The following PDPR variants were observed in gnomAD, a reference collection of about 807,000 sequenced individuals.
PDPR encodes the protein pyruvate dehydrogenase phosphatase regulatory subunit, mitochondrial.
Under a neutral mutation model 102.2 loss-of-function variants are expected in PDPR, and 50 were observed. The observed-to-expected ratio is 0.49, with a 90% CI of 0.39 to 0.62. The LOEUF is 0.62. Among genes scored for constraint, PDPR ranks in the 20% least tolerant of loss-of-function variants. The probability of loss-of-function intolerance (pLI) is 0.00; values close to 1 mark genes in which losing one functional copy is unlikely to be tolerated. For synonymous variants in PDPR, 259 were observed against 406.0 expected, an observed-to-expected ratio of 0.64 and a Z score of 4.35; for missense variants, 625 against 1,098.2, an observed-to-expected ratio of 0.57 and a Z score of 6.09.
At chr16:70,133,886 A>G (rs1358135496) in intron 9 of PDPR, among the ~76,000 whole-genome samples, 4 of 152,076 alleles carry the variant, frequency 2.6e-5, no homozygotes, top group Non-Finnish European at 5.9e-5. Flanking sequence ...GACATGCGCC[A>G]CCACGCCTGG....
chr16:70,130,724 T>C (rs2152079039), intron 7 of PDPR, among the ~76,000 whole-genome samples, 180 bp downstream of exon 7: 1 of 152,408 alleles, frequency 6.6e-6, no homozygotes, highest in Admixed American at 6.5e-5. Context: ...CTGTGTGACC[T>C]TGTCCTTCCT....
At chr16:70,151,569 G>C (rs1230006992) in intron 17 of PDPR, among the ~76,000 whole-genome samples, 1 of 152,290 alleles carries the variant, frequency 6.6e-6, no homozygotes, top group Non-Finnish European at 1.5e-5. Context: ...GGTTGATTCT[G>C]AAGTGCCACC....
chr16:70,157,806 C>T lies in PDPR; in HGVS notation c.*927C>T, dbSNP rs1967385050. The T allele has an allele frequency of 1.3e-5, 2 of 155,338 alleles. No individual in the cohort carries two copies. The highest frequency in any genetic ancestry group is 4.1e-4 in the South Asian group (2 of 4,938). 9.6% of individuals were successfully genotyped at this position (155,338 alleles called of 1,614,324 possible). A position where few individuals can be genotyped will look rare whatever the true frequency, so the allele number is the denominator to read the frequency against. ...CAGCCGTTCCTCCTTCCCCTTCTCCCAGTGCGTTTGACTTTGTCAGGTCAG... is the reference window on the plus strand; with the variant it reads ...CAGCCGTTCCTCCTTCCCCTTCTCCTAGTGCGTTTGACTTTGTCAGGTCAG... On this transcript the variant is annotated 3_prime_UTR_variant, in exon 19 of 19. Transcript: ENST00000288050.
intron 17 of PDPR, among the ~76,000 whole-genome samples, chr16:70,149,288 C>G (rs1966510569): frequency 6.6e-6 from 1 of 151,344 alleles, no homozygotes; most frequent in Admixed American, 6.6e-5. Flanking sequence ...TTAATTGAGG[C>G]AGAGTCTCAC....
Position 70,157,425 on chromosome 16 carries a change from A to G in PDPR, c.*546A>G. 2.8e-6 allele frequency: 1 copy of G among 357,670 alleles called. No homozygotes were observed. Among genetic ancestry groups the G allele is most frequent in the South Asian group, 2.2e-5 (1 of 46,506 alleles). 22.2% of individuals were successfully genotyped at this position (357,670 alleles called of 1,614,324 possible). ...GGCACTCGATACCTCTGGCAAGAGGATGATTATCTACCTCACTGATAAGAG... is the reference window on the plus strand; with the variant it reads ...GGCACTCGATACCTCTGGCAAGAGGGTGATTATCTACCTCACTGATAAGAG... On this transcript the variant is annotated 3_prime_UTR_variant, in exon 19 of 19. Transcript: ENST00000288050.
chr16:70,115,283 C>T (rs1231162249), intron 2 of PDPR, among the ~76,000 whole-genome samples: 2 of 151,966 alleles, frequency 1.3e-5, no homozygotes, highest in Non-Finnish European at 2.9e-5. Flanking sequence ...GCCACCACGC[C>T]CGGCTAATTT....
chr16:70,132,373 G>T, intron 9 of PDPR, 73 bp downstream of exon 9: 1 of 1,436,812 alleles, frequency 7.0e-7, no homozygotes, highest in East Asian at 2.4e-5. Flanking sequence ...GTATTTTGAA[G>T]AATAGTTCCT....
rs1967833418 is a variant in PDPR, at chr16:70,161,999, C to T, written c.*5120C>T. 1 of 152,358 alleles carries T rather than the reference C, an allele frequency of 6.6e-6. No homozygotes were observed. Among genetic ancestry groups the T allele is most frequent in the Non-Finnish European group, 1.5e-5 (1 of 68,110 alleles). The allele number at this position is 152,358 out of a possible 1,614,324, so 9.4% of individuals were successfully genotyped here. A position where few individuals can be genotyped will look rare whatever the true frequency, so the allele number is the denominator to read the frequency against. On this transcript the variant is annotated 3_prime_UTR_variant, in exon 19 of 19. Transcript: ENST00000288050. ...CACACCAAGAACTGGAGCTTAGAGC[C>T]CCACTATTCTCTAAGCCAGGTTCTA...
chr16:70,152,894 C>T (rs560652296), intron 17 of PDPR, among the ~76,000 whole-genome samples: 1 of 152,402 alleles, frequency 6.6e-6, no homozygotes, highest in African/African-American at 2.4e-5. Context: ...TCCTGGCTCC[C>T]CCGCCGTCAT....
At chr16:70,135,564 T>C (rs1221604874) in intron 9 of PDPR, among the ~76,000 whole-genome samples, 8 of 152,288 alleles carry the variant, frequency 5.3e-5, no homozygotes, top group African/African-American at 1.2e-4. Flanking sequence ...TTAAAATCTC[T>C]GTGGCCGCCA....
At chr16:70,134,028 C>T (rs182613568) in intron 9 of PDPR, among the ~76,000 whole-genome samples, 161 of 152,170 alleles carry the variant, frequency 1.1e-3, no homozygotes, top group African/African-American at 3.4e-3. Context: ...CCACCATGCC[C>T]GGCCCCTGCT....
At chr16:70,122,545 TC>T (rs1963431880) in intron 3 of PDPR, among the ~76,000 whole-genome samples, 1 of 152,292 alleles carries the variant, frequency 6.6e-6, no homozygotes, top group South Asian at 2.1e-4. Flanking sequence ...ACCTGGTCAC[TC>T]AGTTACATTG....
intron 6 of PDPR, among the ~76,000 whole-genome samples, chr16:70,130,157 G>A (rs1159446757): frequency 6.6e-6 from 1 of 152,264 alleles, no homozygotes; most frequent in African/African-American, 2.4e-5. Flanking sequence ...GCCGGGCATG[G>A]TGGTGCATGC....
intron 11 of PDPR, among the ~76,000 whole-genome samples, chr16:70,139,725 C>T (rs551245912): frequency 7.9e-5 from 12 of 152,326 alleles, no homozygotes; most frequent in East Asian, 3.9e-4. Context: ...AACCAAACCA[C>T]GTGGGTTCAA....
At chr16:70,133,566 C>G (rs1282285857) in intron 9 of PDPR, among the ~76,000 whole-genome samples, 1 of 151,966 alleles carries the variant, frequency 6.6e-6, no homozygotes, top group African/African-American at 2.4e-5. Flanking sequence ...TACAGGCATG[C>G]ATCAACATGT....
In PDPR at chr16:70,160,722, C is replaced by G. The variant is rs912312648; in HGVS notation, c.*3843C>G. On this transcript the variant is annotated 3_prime_UTR_variant, in exon 19 of 19. Transcript: ENST00000288050. ...ACATGAAAAGTAAACCTCCAGCTTC[C>G]ACAGTATATTACCTGCCGTTGCATG... The G allele has an allele frequency of 1.6e-4, 24 of 152,472 alleles. No homozygotes were observed. The highest frequency in any genetic ancestry group is 4.6e-4 in the Admixed American group (7 of 15,282). The allele number at this position is 152,472 out of a possible 1,614,324, so 9.4% of individuals were successfully genotyped here.
At chr16:70,142,718 T>G (rs1175502120) in intron 13 of PDPR, 32 bp downstream of exon 13, 3 of 1,613,432 alleles carry the variant, frequency 1.9e-6, no homozygotes, top group South Asian at 1.1e-5. Context: ...AGTAATAGAT[T>G]AGGAAACTTT....
At chr16:70,142,783 G>A in intron 13 of PDPR, 97 bp downstream of exon 13, 3 of 1,483,932 alleles carry the variant, frequency 2.0e-6, no homozygotes, top group East Asian at 4.6e-5. Flanking sequence ...TCCTGACTGG[G>A]TGCAGTGGGT....
chr16:70,156,562 C>G lies in PDPR; in HGVS notation c.2323C>G (p.His775Asp), dbSNP rs771762216. 7 of 1,613,974 alleles carry G rather than the reference C, an allele frequency of 4.3e-6. No individual in the cohort carries two copies. The highest frequency in any genetic ancestry group is 5.9e-6 in the Non-Finnish European group (7 of 1,179,920). Residue 775 changes from histidine (H) to aspartate (D), a missense_variant, in exon 19 of 19, where the codon CAT becomes GAT. Around this residue, in one of 11 missense-constraint regions of PDPR, gnomAD observed 303 missense variants for 258.9 expected, o/e 1.17. Transcript: ENST00000288050. ...CCTCACCATGTTCATCCTGGACGAC[C>G]ATGATTCAGACCTAGACCTTTGGCC... ...KRLTMFILDD[H>D]DSDLDLWPWW...
Sources: allele counts gnomAD v4.1 joint callset (sites outside exome capture counted in the v4.1 genomes callset), GRCh38; gene constraint gnomAD v4.1.1; regional missense constraint gnomAD v4.1.1; transcripts MANE v1.5; gene names NCBI Gene and HGNC (gene_info 2026-07-23, HGNC 2026-07-21).